Variants in GATA4 observed in about 807,000 individuals in gnomAD.
The protein encoded by GATA4 is GATA binding protein 4.
In GATA4, 7 loss-of-function variants were observed where a neutral mutation model predicts 37.9. The observed-to-expected ratio is 0.18, with a 90% confidence interval of 0.11 to 0.35. GATA4 has a LOEUF of 0.35. Among genes scored for constraint, GATA4 ranks in the 10% least tolerant of loss-of-function variants. The probability of loss-of-function intolerance (pLI) is 1.00; values close to 1 mark genes in which losing one functional copy is unlikely to be tolerated. For missense variants in GATA4, 647 were observed against 653.0 expected (o/e 0.99, Z 0.10); for synonymous variants, 372 against 292.6 (o/e 1.27, Z -2.77).
upstream of GATA4, among the ~76,000 whole-genome samples, chr8:11,701,418 C>T (rs1417139336): frequency 6.6e-6 from 1 of 152,148 alleles, no homozygotes; most frequent in African/African-American, 2.4e-5. Flanking sequence ...GAGCACCCAC[C>T]CGCTGCCCCC....
At chr8:11,710,237 G>C (rs1314399455) in intron 2 of GATA4, among the ~76,000 whole-genome samples, 1 of 152,138 alleles carries the variant, frequency 6.6e-6, no homozygotes, top group Non-Finnish European at 1.5e-5. Context: ...TGTGGCTCTT[G>C]GTGTTCCCCT....
rs774679725 is a variant in GATA4 at position 11,755,133 on chromosome 8, G to C, written c.1000G>C (p.Ala334Pro). 6.2e-7 allele frequency: 1 copy of C among 1,611,138 alleles called. No homozygotes were observed. The highest frequency in any genetic ancestry group is 1.1e-5 in the South Asian group (1 of 90,996). Residue 334 changes from alanine to proline, a missense_variant and splice_region_variant, in exon 5 of 7, where the codon GCT becomes CCT. Physicochemically the swap from Ala to Pro is conservative, Grantham distance 27 (BLOSUM62 -1). Coordinates refer to ENST00000532059, the MANE Select transcript of GATA4 (RefSeq NM_001308093.3). ...CCTGAATAAATCTAAGACACCAGCA[G>C]GTGAGGAAAAGATCTGTGAGTGATT... ...KNLNKSKTPA[A>P]PSGSESLPPA... is the part of the protein sequence containing the mutation.
intron 2 of GATA4, among the ~76,000 whole-genome samples, chr8:11,736,551 G>T (rs923893633): frequency 6.6e-6 from 1 of 152,252 alleles, no homozygotes; most frequent in African/African-American, 2.4e-5. Context: ...GAACTCTGCA[G>T]CCCAGGGCGC....
At chr8:11,758,184 T>G (rs1802698868) in intron 6 of GATA4, 109 bp from the exon 7 acceptor site, 1 of 1,075,288 alleles carries the variant, frequency 9.3e-7, no homozygotes, top group Non-Finnish European at 1.4e-6. Context: ...TCCTGAGGGC[T>G]GAAGCCATCC....
At chr8:11,741,884 C>G (rs1012536590) in intron 2 of GATA4, among the ~76,000 whole-genome samples, 5 of 152,206 alleles carry the variant, frequency 3.3e-5, no homozygotes, top group African/African-American at 1.2e-4. Flanking sequence ...CTGCTGCCAG[C>G]TTTTGCCGCT....
chr8:11,756,860 G>A (rs1475656704), intron 5 of GATA4, 75 bp from the exon 6 acceptor site: 70 of 1,603,972 alleles, frequency 4.4e-5, no homozygotes, highest in Middle Eastern at 3.3e-4. Flanking sequence ...CACCCATCCC[G>A]GCTGTCTCGC....
At chr8:11,714,439 T>C (rs1469448756) in intron 2 of GATA4, among the ~76,000 whole-genome samples, 2 of 152,244 alleles carry the variant, frequency 1.3e-5, no homozygotes, top group Admixed American at 6.5e-5. Flanking sequence ...AGTACGCTAG[T>C]GGCTTTCAAA....
rs7824996 is a variant in GATA4, at chr8:11,678,197, C to T, written c.-274+1134C>T. ...GCTCGCAGGTTGAAAGCAGACAACA[C>T]CATTTGTTCACTCTGTAGCCTCAGG... On this transcript the variant is annotated intron_variant, in intron 1 of 6. Coordinates refer to the GATA4 transcript ENST00000528712. Among the ~76,000 whole-genome samples the T allele has an allele frequency of 4.9e-3, 753 of 152,162 alleles. 10 individuals are homozygous for T. Among genetic ancestry groups the T allele is most frequent in the African/African-American group, 0.017 (692 of 41,498 alleles).
In GATA4 at chr8:11,757,083, G is replaced by C; in HGVS notation, c.1149G>C (p.Gln383His). 6.2e-7 allele frequency: 1 copy of C among 1,613,834 alleles called. No individual in the cohort carries two copies. Among genetic ancestry groups the C allele is most frequent in the South Asian group, 1.1e-5 (1 of 91,080 alleles). The change falls in exon 6 of 7, where the codon CAG becomes CAC. Residue 383 changes from glutamine (Q) to histidine (H), a missense_variant and splice_region_variant. Gln to His is a conservative substitution (Grantham distance 24, BLOSUM62 0). Around this residue, in one of 5 missense-constraint regions of GATA4, gnomAD observed 184 missense variants for 157.1 expected, o/e 1.17. Transcript: ENST00000532059. ...SHYGHSSSVS[Q>H]TFSVSAMSGH... Reference sequence around the variant, plus strand: ...ACGGGCACAGCAGCTCCGTGTCCCAGGTACGCGCCATGGCTGGGGCGCCAG... The same window carrying C: ...ACGGGCACAGCAGCTCCGTGTCCCACGTACGCGCCATGGCTGGGGCGCCAG...
At chr8:11,738,208 C>G (rs1801553619) in intron 2 of GATA4, among the ~76,000 whole-genome samples, 1 of 149,166 alleles carries the variant, frequency 6.7e-6, no homozygotes, top group African/African-American at 2.5e-5. Context: ...ATCACTATCA[C>G]AAATAAGAAA....
upstream of GATA4, among the ~76,000 whole-genome samples, chr8:11,699,214 T>C (rs1193494033): frequency 6.6e-6 from 1 of 152,162 alleles, no homozygotes; most frequent in Non-Finnish European, 1.5e-5. Context: ...TAAATTACTT[T>C]ATAACTTCAG....
intron 2 of GATA4, among the ~76,000 whole-genome samples, chr8:11,741,544 A>T (rs1801741485): frequency 6.6e-6 from 1 of 152,166 alleles, no homozygotes; most frequent in Non-Finnish European, 1.5e-5. Context: ...TCGCGGACTT[A>T]GCTCTATGGC....
chr8:11,693,574 G>C lies in GATA4; in HGVS notation c.-729+914G>C, dbSNP rs957701250. On this transcript the variant is annotated intron_variant, in intron 1 of 2. Transcript: ENST00000526974. ...ACACACACACACACAGAGAGAGAGA[G>C]AGAGAGAGAGAGAGAGAGAGACAGA... Among the ~76,000 whole-genome samples the C allele has an allele frequency of 1.7e-3, 260 of 150,826 alleles. 1 individual carries two copies. The highest frequency in any genetic ancestry group is 5.3e-3 in the African/African-American group (215 of 40,848).
chr8:11,696,004 C>T (rs1799497897), intron 1 of GATA4, among the ~76,000 whole-genome samples: 1 of 152,160 alleles, frequency 6.6e-6, no homozygotes, highest in Non-Finnish European at 1.5e-5. Flanking sequence ...GGGAGTCAAA[C>T]GTGTACCAGG....
chr8:11,680,706 C>G, intron 1 of GATA4: 1 of 985,364 alleles, frequency 1.0e-6, no homozygotes. Context: ...CCGGAATCCT[C>G]CAGCCGCTGC....
intron 1 of GATA4, among the ~76,000 whole-genome samples, chr8:11,698,566 C>A (rs1188375514): frequency 1.6e-4 from 25 of 152,178 alleles, no homozygotes; most frequent in Admixed American, 1.6e-3. Context: ...CCTCACCCTG[C>A]ATTTTTTCCT....
intron 2 of GATA4, among the ~76,000 whole-genome samples, chr8:11,742,385 T>G (rs1471701966): frequency 2.2e-5 from 2 of 90,266 alleles, no homozygotes; most frequent in African/African-American, 8.7e-5. Flanking sequence ...TGGTGTTTTG[T>G]TTTTTTTTTT....
chr8:11,713,135 C>G, intron 2 of GATA4, among the ~76,000 whole-genome samples: 1 of 151,732 alleles, frequency 6.6e-6, no homozygotes, highest in Non-Finnish European at 1.5e-5. Context: ...GGGCAAAAAT[C>G]AAAACAATAA....
chr8:11,697,839 C>G, intron 1 of GATA4: 1 of 985,448 alleles, frequency 1.0e-6, no homozygotes. Flanking sequence ...CCGGCCACCA[C>G]GGGGCGGAGG....
Sources: allele counts gnomAD v4.1 joint callset (sites outside exome capture counted in the v4.1 genomes callset), GRCh38; gene constraint gnomAD v4.1.1; regional missense constraint gnomAD v4.1.1; transcripts MANE v1.5; gene names NCBI Gene and HGNC (gene_info 2026-07-23, HGNC 2026-07-21).